The following EYS variants were observed in gnomAD, a reference collection of about 807,000 sequenced individuals.
The protein encoded by EYS is EGF-like photoreceptor maintenance factor.
In EYS, 250 loss-of-function variants were observed where a neutral mutation model predicts 282.1. The ratio of observed to expected loss-of-function variants is 0.89; its 90% CI spans 0.80 to 0.98. The LOEUF (loss-of-function observed/expected upper bound fraction) is 0.98. EYS is among the 50% of genes least tolerant of loss of function. The pLI, the probability that EYS is intolerant of heterozygous loss-of-function variation, is 0.00. For missense variants in EYS, 4,016 were observed against 3,709.0 expected (o/e 1.08, Z -2.15); for synonymous variants, 1,355 against 1,282.9 (o/e 1.06, Z -1.20).
At chr6:65,331,951 A>C (rs1769810690) in intron 11 of EYS, 2 of 159,032 alleles carry the variant, frequency 1.3e-5, no homozygotes, top group Admixed American at 1.3e-4. Context: ...TTCGAACAAA[A>C]CTGTAAACAT....
chr6:64,685,592 T>A (rs564368676), intron 22 of EYS, among the ~76,000 whole-genome samples: 1 of 152,320 alleles, frequency 6.6e-6, no homozygotes, highest in South Asian at 2.1e-4. Context: ...TCTCTGCACC[T>A]GCTGGCTCCC....
Position 64,590,868 on chromosome 6 carries a change from A to T in EYS, c.4999T>A (p.Ser1667Thr), listed in dbSNP as rs1278529871. The T allele has an allele frequency of 1.9e-6, 3 of 1,550,712 alleles. No homozygotes were observed. The African/African-American group carries it at 4.1e-5, about 21-fold the overall frequency. ...VNLCLDKTCL[S>T]IVPSQTISSD... is the part of the protein sequence containing the mutation. ...GAGATAGTTTGTGAAGGGACAATGG[A>T]TAAACAAGTCTTATCCAAACATAAA... The change falls in exon 26 of 43, where the codon TCC becomes ACC. Residue 1667 changes from serine to threonine, a missense_variant. By Grantham distance (58) the Ser-to-Thr change is moderately conservative. Transcript: ENST00000503581.
At chr6:63,952,541 C>T (rs1291302669) in intron 35 of EYS, among the ~76,000 whole-genome samples, 1 of 152,168 alleles carries the variant, frequency 6.6e-6, no homozygotes, top group Non-Finnish European at 1.5e-5. Flanking sequence ...GGCCAGGCTT[C>T]TAAACCTCTT....
chr6:64,993,471 G>A (rs527670664), intron 14 of EYS, among the ~76,000 whole-genome samples: 15 of 149,616 alleles, frequency 1.0e-4, no homozygotes, highest in South Asian at 6.3e-4. Flanking sequence ...GCAAACTACC[G>A]CAAGGACAAA....
chr6:65,338,799 A>C (rs1252111011), intron 10 of EYS, among the ~76,000 whole-genome samples: 1 of 151,120 alleles, frequency 6.6e-6, no homozygotes, highest in Non-Finnish European at 1.5e-5. Context: ...CATTACTAGT[A>C]ATGTATATAC....
At chr6:64,940,757 A>G (rs1347112913) in intron 15 of EYS, among the ~76,000 whole-genome samples, 1 of 151,970 alleles carries the variant, frequency 6.6e-6, no homozygotes, top group African/African-American at 2.4e-5. Context: ...GTGGAATTCA[A>G]TTTAATAAAG....
At chr6:64,111,500 A>AT (rs201025896) in intron 31 of EYS, among the ~76,000 whole-genome samples, 1,739 of 152,098 alleles carry the variant, frequency 0.011, 26 homozygotes, top group African/African-American at 0.039. Flanking sequence ...GAGGGCAACA[A>AT]TTTTTTTTCT....
At chr6:63,855,035 A>G (rs1415047200) in intron 36 of EYS, among the ~76,000 whole-genome samples, 1 of 152,220 alleles carries the variant, frequency 6.6e-6, no homozygotes, top group Non-Finnish European at 1.5e-5. Flanking sequence ...AGACTGGTAT[A>G]CTCTTTGAAA....
At chr6:65,474,846 G>C (rs551728819) in intron 5 of EYS, among the ~76,000 whole-genome samples, 1 of 151,998 alleles carries the variant, frequency 6.6e-6, no homozygotes, top group African/African-American at 2.4e-5. Context: ...AGAGCACTAA[G>C]AATTAAAAGT....
Position 64,169,431 on chromosome 6 carries a change from G to GTTTTTTTTTTT in EYS, c.6424+61150_6424+61160dup, listed in dbSNP as rs35657029. ...ACATACTCAAACAATTTGAGGAGGAGTTTTTTTTTTTTTTTTACAAAAAGG... is the reference window on the plus strand; with the variant it reads ...ACATACTCAAACAATTTGAGGAGGAGTTTTTTTTTTTTTTTTTTTTTTTTTTTACAAAAAGG... On this transcript the variant is annotated intron_variant, in intron 31 of 42. Coordinates refer to ENST00000503581, the MANE Select transcript of EYS (RefSeq NM_001142800.2). Among the ~76,000 whole-genome samples the GTTTTTTTTTTT allele has an allele frequency of 2.0e-3, 285 of 140,958 alleles. 7 individuals carry two copies. The highest frequency in any genetic ancestry group is 7.1e-3 in the African/African-American group (260 of 36,398). The allele number at this position is 140,958 out of a possible 152,430, so 92.5% of individuals were successfully genotyped here. A position where few individuals can be genotyped will look rare whatever the true frequency, so the allele number is the denominator to read the frequency against.
Position 63,999,119 on chromosome 6 carries a change from G to T in EYS, c.6790C>A (p.Pro2264Thr), listed in dbSNP as rs1259201577. 3 of 1,551,580 alleles carry T rather than the reference G, an allele frequency of 1.9e-6. No individual in the cohort carries two copies. Among genetic ancestry groups the T allele is most frequent in the Non-Finnish European group, 2.6e-6 (3 of 1,146,852 alleles). Residue 2264 changes from proline to threonine, a missense_variant, in exon 34 of 43, where the codon CCT becomes ACT. Physicochemically the swap from Pro to Thr is conservative, Grantham distance 38 (BLOSUM62 -1). Coordinates refer to ENST00000503581, the MANE Select transcript of EYS (RefSeq NM_001142800.2). ...TCTGTGTCTTTCTTCTGTACTGGAGGTTTTCCATCTGCAGTCATTTCAATC... is the reference window on the plus strand; with the variant it reads ...TCTGTGTCTTTCTTCTGTACTGGAGTTTTTCCATCTGCAGTCATTTCAATC... ...CMIEMTADGKPPVQKKDTEIS... is the reference protein window; with the variant it reads ...CMIEMTADGKTPVQKKDTEIS...
intron 2 of EYS, among the ~76,000 whole-genome samples, chr6:65,618,486 T>C (rs1766314448): frequency 1.3e-5 from 2 of 152,232 alleles, no homozygotes; most frequent in South Asian, 4.1e-4. Context: ...GCAAAAATTT[T>C]TTCCTATTTT....
intron 12 of EYS, among the ~76,000 whole-genome samples, chr6:65,216,499 A>C (rs756489983): frequency 3.3e-5 from 5 of 151,938 alleles, no homozygotes; most frequent in Admixed American, 6.6e-5. Flanking sequence ...GGTAAAAGTA[A>C]ATAATATTTT....
chr6:64,129,172 G>T (rs1298298399), intron 31 of EYS, among the ~76,000 whole-genome samples: 2 of 152,178 alleles, frequency 1.3e-5, no homozygotes, highest in African/African-American at 4.8e-5. Flanking sequence ...CTTTGCATCT[G>T]TTCCTTTATA....
In EYS at chr6:63,876,221, C is replaced by T. The variant is rs529748764; in HGVS notation, c.7056-11863G>A. On this transcript the variant is annotated intron_variant, in intron 35 of 42. Coordinates refer to ENST00000503581, the MANE Select transcript of EYS (RefSeq NM_001142800.2). ...AACATCTTTATTTCTGCCTTCATTTCGTTATGTACCCAGTAGTCATTCAGG... is the reference window on the plus strand; with the variant it reads ...AACATCTTTATTTCTGCCTTCATTTTGTTATGTACCCAGTAGTCATTCAGG... 1.3e-4 allele frequency among the ~76,000 whole-genome samples: 20 copies of T among 152,248 alleles called. No individual in the cohort carries two copies. The East Asian group carries it at 2.5e-3, about 19-fold the overall frequency.
chr6:63,752,437 TAG>T (rs1377026051), intron 41 of EYS, among the ~76,000 whole-genome samples: 1 of 151,990 alleles, frequency 6.6e-6, no homozygotes, highest in Non-Finnish European at 1.5e-5. Flanking sequence ...GCCATCTATA[TAG>T]AGTCTCTTCA....
chr6:65,310,797 T>C (rs1253124415), intron 11 of EYS, among the ~76,000 whole-genome samples: 2 of 152,302 alleles, frequency 1.3e-5, no homozygotes, highest in East Asian at 1.9e-4. Flanking sequence ...ACTCAAGTGT[T>C]ACCACTTCAA....
intron 31 of EYS, among the ~76,000 whole-genome samples, chr6:64,168,283 TAAAG>T (rs1042550995): frequency 7.9e-5 from 12 of 151,946 alleles, no homozygotes; most frequent in African/African-American, 2.9e-4. Flanking sequence ...AATAAATAAA[TAAAG>T]CCAGATAATA....
At chr6:64,878,172 C>G (rs1297760432) in intron 19 of EYS, among the ~76,000 whole-genome samples, 2 of 152,002 alleles carry the variant, frequency 1.3e-5, no homozygotes, top group Non-Finnish European at 2.9e-5. Context: ...TTGCAGTGAG[C>G]AGAGATTGCA....
Sources: gnomAD v4.1 joint callset for allele counts (sites outside exome capture counted in the v4.1 genomes callset) on GRCh38, gnomAD v4.1.1 for gene constraint, MANE v1.5 for transcripts, NCBI Gene and HGNC (gene_info 2026-07-23, HGNC 2026-07-21) for gene names.